OLFM3: variants seen among roughly 807,000 people sequenced by gnomAD.
OLFM3 encodes olfactomedin 3.
In OLFM3, 20 loss-of-function variants were observed where a neutral mutation model predicts 48.6. The ratio of observed to expected loss-of-function variants is 0.41; its 90% confidence interval spans 0.29 to 0.60. OLFM3 has a LOEUF of 0.60. Ranked by LOEUF, OLFM3 falls within the 20% of genes least tolerant of loss-of-function variation. OLFM3 has a pLI of 0.28. For synonymous variants in OLFM3, 222 were observed against 198.1 expected, an observed-to-expected ratio of 1.12 and a Z score of -1.01; for missense variants, 437 against 544.3, an observed-to-expected ratio of 0.80 and a Z score of 1.96.
At chr1:101,956,719 A>T (rs148023013) in intron 1 of OLFM3, among the ~76,000 whole-genome samples, 2 of 151,842 alleles carry the variant, frequency 1.3e-5, no homozygotes, top group African/African-American at 4.8e-5. Flanking sequence ...AGCACTTAGT[A>T]GTTCTTCAAA....
chr1:101,949,031 A>G (rs1432559546), intron 1 of OLFM3, among the ~76,000 whole-genome samples: 2 of 151,668 alleles, frequency 1.3e-5, no homozygotes, highest in Non-Finnish European at 2.9e-5. Flanking sequence ...GTCACATATA[A>G]AAAAAGTTCT....
chr1:101,976,990 T>A (rs1326781491), intron 1 of OLFM3, among the ~76,000 whole-genome samples: 3 of 152,166 alleles, frequency 2.0e-5, no homozygotes, highest in African/African-American at 7.2e-5. Flanking sequence ...CTTCAATATT[T>A]AAAACCTTTT....
At chr1:101,960,458 C>G (rs34650715) in intron 1 of OLFM3, among the ~76,000 whole-genome samples, 25,201 of 152,112 alleles carry the variant, frequency 0.17, 2,394 homozygotes, top group Non-Finnish European at 0.19. Context: ...TCCAGCTCCA[C>G]TTGCCTAGAA....
chr1:101,928,673 T>C (rs527445467), intron 1 of OLFM3, among the ~76,000 whole-genome samples: 47 of 152,296 alleles, frequency 3.1e-4, no homozygotes, highest in African/African-American at 1.1e-3. Flanking sequence ...TCCTTAGATA[T>C]GTCTACAACA....
intron 1 of OLFM3, among the ~76,000 whole-genome samples, chr1:101,966,317 T>TTTTTTGTG (rs371512942): frequency 3.1e-5 from 4 of 128,062 alleles, no homozygotes; most frequent in Non-Finnish European, 4.9e-5. Flanking sequence ...CCTGGCTAAT[T>TTTTTTGTG]TGTGTGTGTG....
At chr1:101,824,520 A>G (rs1362300645) in intron 4 of OLFM3, among the ~76,000 whole-genome samples, 1 of 152,112 alleles carries the variant, frequency 6.6e-6, no homozygotes, top group African/African-American at 2.4e-5. Flanking sequence ...TGAGTAGATC[A>G]GAGCAGTTGA....
Position 101,903,824 on chromosome 1 carries a change from A to AT in OLFM3, c.70-66800dup, listed in dbSNP as rs1238803364. Among the ~76,000 whole-genome samples the AT allele has an allele frequency of 3.9e-5, 6 of 152,124 alleles. No individual in the cohort carries two copies. The South Asian group carries it at 1.0e-3, about 26-fold the overall frequency. ...TGTGATATTTTAAGCAGAAACAAAGATTTTTTTACCATTATAATACTTATA... is the reference window on the plus strand; with the variant it reads ...TGTGATATTTTAAGCAGAAACAAAGATTTTTTTTACCATTATAATACTTATA... On this transcript the variant is annotated intron_variant, in intron 1 of 5. Transcript: ENST00000370103.
chr1:101,806,572 G>T (rs1016291953), intron 4 of OLFM3, among the ~76,000 whole-genome samples: 6 of 151,560 alleles, frequency 4.0e-5, no homozygotes, highest in Non-Finnish European at 8.8e-5. Flanking sequence ...CCCTTCCCCT[G>T]TCCCCATGCT....
intron 1 of OLFM3, among the ~76,000 whole-genome samples, chr1:101,989,489 C>T (rs1289033355): frequency 7.1e-6 from 1 of 141,450 alleles, no homozygotes; most frequent in African/African-American, 2.5e-5. Context: ...ATAAATTAAA[C>T]CTCATTATGG....
In OLFM3 at chr1:101,960,056, A is replaced by T. The variant is rs186853314; in HGVS notation, c.69+36692T>A. ...CACTTGCATTCTTGAAAAACCCTGT[A>T]TTCTGCAAAACTATGTACTAAAAAT... is the stretch of plus-strand genomic sequence containing the variant. On this transcript the variant is annotated intron_variant, in intron 1 of 5. Transcript: ENST00000370103. 3.3e-5 allele frequency among the ~76,000 whole-genome samples: 5 copies of T among 152,198 alleles called. No homozygotes were observed. The East Asian group carries it at 9.7e-4, about 29-fold the overall frequency.
At chr1:101,868,545 C>T (rs1167117870) in intron 1 of OLFM3, among the ~76,000 whole-genome samples, 1 of 152,132 alleles carries the variant, frequency 6.6e-6, no homozygotes, top group Admixed American at 6.5e-5. Context: ...GGAAGCAGAA[C>T]ATACAAATTT....
At chr1:101,852,756 C>A (rs1203677341) in intron 1 of OLFM3, among the ~76,000 whole-genome samples, 2 of 152,134 alleles carry the variant, frequency 1.3e-5, no homozygotes, top group African/African-American at 4.8e-5. Flanking sequence ...GCCATTCCTG[C>A]AATCTTCCCA....
At chr1:101,908,692 T>C (rs1250198326) in intron 1 of OLFM3, among the ~76,000 whole-genome samples, 1 of 152,306 alleles carries the variant, frequency 6.6e-6, no homozygotes, top group Non-Finnish European at 1.5e-5. Flanking sequence ...GAAATGATCC[T>C]GGATTATCCA....
chr1:101,980,209 T>A (rs1210696057), intron 1 of OLFM3, among the ~76,000 whole-genome samples: 2 of 152,130 alleles, frequency 1.3e-5, no homozygotes, highest in African/African-American at 4.8e-5. Context: ...GACTTTTGAG[T>A]TAATGCCTGA....
intron 1 of OLFM3, among the ~76,000 whole-genome samples, chr1:101,958,807 G>C (rs1660377772): frequency 6.9e-6 from 1 of 144,768 alleles, no homozygotes; most frequent in Non-Finnish European, 1.5e-5. Context: ...AATGAAACTT[G>C]TATGTTCTTA....
At chr1:101,940,995 T>C (rs1456977486) in intron 1 of OLFM3, among the ~76,000 whole-genome samples, 1 of 152,090 alleles carries the variant, frequency 6.6e-6, no homozygotes, top group Non-Finnish European at 1.5e-5. Flanking sequence ...CAATAGGCTG[T>C]AGGTAAAATG....
intron 3 of OLFM3, among the ~76,000 whole-genome samples, chr1:101,826,665 TTAA>T (rs1654881346): frequency 6.6e-6 from 1 of 152,190 alleles, no homozygotes; most frequent in Non-Finnish European, 1.5e-5. Context: ...AAGGAGAGAC[TTAA>T]TAATGAGAAA....
intron 1 of OLFM3, among the ~76,000 whole-genome samples, chr1:101,885,006 C>T (rs902777989): frequency 6.6e-6 from 1 of 151,996 alleles, no homozygotes; most frequent in African/African-American, 2.4e-5. Context: ...CCCCAATAGA[C>T]AGAACACCAG....
At chr1:101,811,967 C>A (rs1020860195) in intron 4 of OLFM3, among the ~76,000 whole-genome samples, 3 of 152,026 alleles carry the variant, frequency 2.0e-5, no homozygotes, top group African/African-American at 4.8e-5. Flanking sequence ...CTGGATTAAG[C>A]AAATGTGGCA....
Sources: gnomAD v4.1 joint callset for allele counts (sites outside exome capture counted in the v4.1 genomes callset) on GRCh38, gnomAD v4.1.1 for gene constraint, MANE v1.5 for transcripts, NCBI Gene and HGNC (gene_info 2026-07-23, HGNC 2026-07-21) for gene names.